SSBP2: variants seen among roughly 807,000 people sequenced by gnomAD.
The protein encoded by SSBP2 is single-stranded DNA-binding protein 2.
A neutral mutation model predicts 61.8 loss-of-function variants in SSBP2; 17 were observed. The observed-to-expected ratio is 0.28, with a 90% confidence interval of 0.19 to 0.41. The LOEUF is 0.41. Among genes scored for constraint, SSBP2 ranks in the 10% least tolerant of loss-of-function variants. SSBP2 has a pLI of 1.00. For synonymous variants in SSBP2, 139 were observed against 141.3 expected, an observed-to-expected ratio of 0.98 and a Z score of 0.12; for missense variants, 310 against 458.7, an observed-to-expected ratio of 0.68 and a Z score of 2.96.
At chr5:81,514,113 TAGG>T (rs2154084177) in intron 4 of SSBP2, among the ~76,000 whole-genome samples, 1 of 152,284 alleles carries the variant, frequency 6.6e-6, no homozygotes, top group South Asian at 2.1e-4. Flanking sequence ...GGGTGGATTG[TAGG>T]AGTTGACAAA....
intron 1 of SSBP2, among the ~76,000 whole-genome samples, chr5:81,671,378 T>C (rs1381023588): frequency 6.6e-6 from 1 of 152,138 alleles, no homozygotes; most frequent in Non-Finnish European, 1.5e-5. Flanking sequence ...TATTCCTCTC[T>C]TCATTAGTCA....
At chr5:81,623,862 A>G (rs573792494) in intron 3 of SSBP2, among the ~76,000 whole-genome samples, 1 of 152,318 alleles carries the variant, frequency 6.6e-6, no homozygotes, top group East Asian at 1.9e-4. Flanking sequence ...TATAAGACCA[A>G]CCTTAGAGAT....
intron 4 of SSBP2, among the ~76,000 whole-genome samples, chr5:81,517,605 G>C: frequency 6.6e-6 from 1 of 151,856 alleles, no homozygotes; most frequent in East Asian, 1.9e-4. Flanking sequence ...TTCAGTTTGT[G>C]TGGTCATCTT....
At chr5:81,632,703 G>GCC (rs774861343) in intron 3 of SSBP2, among the ~76,000 whole-genome samples, 37 of 152,092 alleles carry the variant, frequency 2.4e-4, no homozygotes, top group Non-Finnish European at 4.4e-4. Context: ...TTCAGACTCT[G>GCC]CCCCTCTACT....
chr5:81,563,465 C>T (rs571456121), intron 4 of SSBP2, among the ~76,000 whole-genome samples: 2 of 152,172 alleles, frequency 1.3e-5, no homozygotes, highest in South Asian at 4.2e-4. Context: ...CTTAGATACA[C>T]CACCAAAAGA....
chr5:81,447,916 A>T (rs1763506626), intron 11 of SSBP2: 2 of 152,234 alleles, frequency 1.3e-5, no homozygotes, highest in South Asian at 4.1e-4. Flanking sequence ...TTACATGAAC[A>T]CTGAACACTA....
At chr5:81,608,217 T>A (rs1347248823) in intron 4 of SSBP2, among the ~76,000 whole-genome samples, 1 of 152,164 alleles carries the variant, frequency 6.6e-6, no homozygotes, top group African/African-American at 2.4e-5. Flanking sequence ...CCACATTAAT[T>A]ACAAATTATT....
intron 16 of SSBP2, among the ~76,000 whole-genome samples, chr5:81,423,613 C>G (rs560668574): frequency 5.3e-5 from 8 of 152,102 alleles, no homozygotes; most frequent in African/African-American, 1.9e-4. Flanking sequence ...GGCGAGGTGG[C>G]AGGTGCCTAT....
chr5:81,512,419 G>A (rs984479830), intron 5 of SSBP2, among the ~76,000 whole-genome samples: 4 of 152,186 alleles, frequency 2.6e-5, no homozygotes, highest in Non-Finnish European at 4.4e-5. Flanking sequence ...AGCATGGCAT[G>A]TAGTTAGCAG....
intron 1 of SSBP2, among the ~76,000 whole-genome samples, chr5:81,738,546 T>A (rs770067306): frequency 3.5e-4 from 53 of 152,200 alleles, no homozygotes; most frequent in Non-Finnish European, 6.0e-4. Context: ...CATCTCAAAC[T>A]AAACTCATCA....
At chr5:81,559,298 A>C (rs570087876) in intron 4 of SSBP2, among the ~76,000 whole-genome samples, 1 of 151,844 alleles carries the variant, frequency 6.6e-6, no homozygotes, top group East Asian at 1.9e-4. Flanking sequence ...GTGTCAGGAG[A>C]ATTGCTGGAA....
At chr5:81,713,205 AGTACCAG>A (rs1485573669) in intron 1 of SSBP2, among the ~76,000 whole-genome samples, 2 of 152,176 alleles carry the variant, frequency 1.3e-5, no homozygotes, top group African/African-American at 4.8e-5. Context: ...CTAAATTTGC[AGTACCAG>A]GTACCTCTGG....
chr5:81,689,230 A>G (rs1292377931), intron 1 of SSBP2, among the ~76,000 whole-genome samples: 2 of 152,160 alleles, frequency 1.3e-5, no homozygotes, highest in African/African-American at 4.8e-5. Flanking sequence ...GATGTAGGAA[A>G]TAGCCTCAAA....
intron 1 of SSBP2, among the ~76,000 whole-genome samples, chr5:81,690,265 T>C (rs866177861): frequency 1.3e-5 from 2 of 151,952 alleles, no homozygotes; most frequent in African/African-American, 2.4e-5. Flanking sequence ...AATAATAACA[T>C]TGAATGTAAA....
Position 81,668,644 on chromosome 5 carries a change from A to G in SSBP2, c.63-18305T>C, listed in dbSNP as rs75957434. Among the ~76,000 whole-genome samples, 1,060 of 152,286 alleles carry G rather than the reference A, an allele frequency of 7.0e-3. 17 individuals carry two copies. The highest frequency in any genetic ancestry group is 0.024 in the African/African-American group (1,015 of 41,582). On this transcript the variant is annotated intron_variant, in intron 1 of 16. Coordinates refer to ENST00000320672, the MANE Select transcript of SSBP2 (RefSeq NM_012446.5). ...AATGGCCTTTCCTCCGTTTAATTGT[A>G]TAACAGCACTACCACCAGACAATAG...
At chr5:81,569,175 T>A (rs897244293) in intron 4 of SSBP2, among the ~76,000 whole-genome samples, 7 of 152,204 alleles carry the variant, frequency 4.6e-5, no homozygotes, top group African/African-American at 9.6e-5. Flanking sequence ...ATTTTATTTT[T>A]AAATTACATA....
At chr5:81,495,582 C>A (rs1055388281) in intron 5 of SSBP2, among the ~76,000 whole-genome samples, 3 of 152,158 alleles carry the variant, frequency 2.0e-5, no homozygotes, top group Admixed American at 1.3e-4. Context: ...GGATTTAGTA[C>A]ACTGTGGTAT....
intron 4 of SSBP2, among the ~76,000 whole-genome samples, chr5:81,567,558 A>T (rs1365698923): frequency 1.3e-5 from 2 of 152,212 alleles, no homozygotes; most frequent in African/African-American, 4.8e-5. Flanking sequence ...GTGGGGTCAG[A>T]TTCCCCCAGA....
intron 5 of SSBP2, 23 bp from the exon 6 acceptor site, chr5:81,489,332 CAAACA>C (rs761870284): frequency 7.6e-6 from 12 of 1,580,472 alleles, no homozygotes; most frequent in Non-Finnish European, 8.6e-6. Context: ...AACAAATAAA[CAAACA>C]AAACAAAAAA....
Sources: gnomAD v4.1 joint callset for allele counts (sites outside exome capture counted in the v4.1 genomes callset) on GRCh38, gnomAD v4.1.1 for gene constraint, MANE v1.5 for transcripts, NCBI Gene and HGNC (gene_info 2026-07-23, HGNC 2026-07-21) for gene names.